WDFY4: variants seen among roughly 807,000 people sequenced by gnomAD.
WDFY4 encodes WD repeat- and FYVE domain-containing protein 4.
Under a neutral mutation model 351.9 loss-of-function variants are expected in WDFY4, and 169 were observed. The observed-to-expected ratio is 0.48, with a 90% CI of 0.42 to 0.55. WDFY4 has a LOEUF of 0.55. Among genes scored for constraint, WDFY4 ranks in the 20% least tolerant of loss-of-function variants. The pLI is 0.00. For missense variants in WDFY4, 3,803 were observed against 3,935.6 expected (o/e 0.97, Z 0.90); for synonymous variants, 1,622 against 1,574.6 (o/e 1.03, Z -0.71).
chr10:48,855,728 C>A (rs1435046803), intron 39 of WDFY4, among the ~76,000 whole-genome samples: 3 of 151,932 alleles, frequency 2.0e-5, no homozygotes, highest in African/African-American at 7.3e-5. Context: ...TACAGTAGTC[C>A]CCTCTTACTC....
intron 11 of WDFY4, among the ~76,000 whole-genome samples, chr10:48,738,300 G>A (rs1451643773): frequency 6.6e-6 from 1 of 152,240 alleles, no homozygotes; most frequent in African/African-American, 2.4e-5. Context: ...GTATTGGAGT[G>A]TCAGCCCTTG....
At chr10:48,695,246 GT>G (rs2063301459) in intron 1 of WDFY4, among the ~76,000 whole-genome samples, 1 of 152,214 alleles carries the variant, frequency 6.6e-6, no homozygotes, top group South Asian at 2.1e-4. Context: ...ACAGAGTCTT[GT>G]TTTGGGCCTC....
At chr10:48,707,836 GAAAT>G (rs2063671848) in intron 1 of WDFY4, among the ~76,000 whole-genome samples, 1 of 152,082 alleles carries the variant, frequency 6.6e-6, no homozygotes, top group African/African-American at 2.4e-5. Flanking sequence ...TGGTGATAAA[GAAAT>G]AAATGAACAC....
At chr10:48,742,291 T>C (rs10508907) in intron 11 of WDFY4, among the ~76,000 whole-genome samples, 45,335 of 152,178 alleles carry the variant, frequency 0.3, 7,370 homozygotes, top group South Asian at 0.41. Context: ...CCTATGCATT[T>C]CATTCCATTG....
chr10:48,697,301 G>T (rs1019088495), intron 1 of WDFY4, among the ~76,000 whole-genome samples: 4 of 152,204 alleles, frequency 2.6e-5, no homozygotes, highest in Non-Finnish European at 4.4e-5. Context: ...GATGTTCTAT[G>T]AGCCACCCAC....
chr10:48,836,632 G>A (rs1020313737), intron 39 of WDFY4, among the ~76,000 whole-genome samples: 16 of 152,128 alleles, frequency 1.1e-4, no homozygotes, highest in African/African-American at 3.9e-4. Context: ...TTCCTGGTGG[G>A]TGAGCTGAAC....
At chr10:48,933,665 C>T (rs531010502) in intron 47 of WDFY4, among the ~76,000 whole-genome samples, 3 of 152,222 alleles carry the variant, frequency 2.0e-5, no homozygotes, top group East Asian at 3.9e-4. Context: ...GAGATGAGTT[C>T]CATTATATGA....
At chr10:48,927,808 A>G (rs933389930) in intron 47 of WDFY4, among the ~76,000 whole-genome samples, 16 of 152,234 alleles carry the variant, frequency 1.1e-4, no homozygotes, top group Non-Finnish European at 1.6e-4. Context: ...TATTGGTTTA[A>G]TAGCATCTAT....
Position 48,806,449 on chromosome 10 carries a change from G to C in WDFY4, c.4738+354G>C, listed in dbSNP as rs569116622. 2.6e-4 allele frequency among the ~76,000 whole-genome samples: 40 copies of C among 152,278 alleles called. No individual in the cohort carries two copies. The East Asian group carries it at 7.5e-3, about 29-fold the overall frequency. On this transcript the variant is annotated intron_variant, in intron 27 of 61. Coordinates refer to ENST00000325239, the MANE Select transcript of WDFY4 (RefSeq NM_001394531.1). ...CAACTCCAGCAGTGAAGCACTTGCA[G>C]GCCCCTGCAGGTGATGGCCTGCCCT...
At chr10:48,937,822 A>G (rs1458410268) in intron 47 of WDFY4, among the ~76,000 whole-genome samples, 3 of 152,210 alleles carry the variant, frequency 2.0e-5, no homozygotes, top group Non-Finnish European at 4.4e-5. Context: ...TTTAAAAAGT[A>G]GAGTCCAGGT....
intron 31 of WDFY4, 115 bp from the exon 32 acceptor site, chr10:48,817,130 T>G: frequency 8.1e-7 from 1 of 1,227,966 alleles, no homozygotes; most frequent in Non-Finnish European, 1.1e-6. Context: ...TCTTAAATAA[T>G]GTATCTTGTT....
intron 20 of WDFY4, among the ~76,000 whole-genome samples, chr10:48,787,086 TG>T (rs2066428120): frequency 6.6e-6 from 1 of 152,100 alleles, no homozygotes; most frequent in Non-Finnish European, 1.5e-5. Flanking sequence ...AAAGCCCTAA[TG>T]GGGAAGAGGT....
At chr10:48,978,806 C>T (rs1279979895) in intron 60 of WDFY4, 1 of 160,368 alleles carries the variant, frequency 6.2e-6, no homozygotes, top group Non-Finnish European at 1.4e-5. Context: ...TTACTGGGAC[C>T]CACAATCAAA....
chr10:48,914,551 A>G (rs2377652), intron 47 of WDFY4, among the ~76,000 whole-genome samples: 62,418 of 152,036 alleles, frequency 0.41, 13,190 homozygotes, highest in East Asian at 0.74. Context: ...ACCCAGAGCC[A>G]TGTGTGTGTG....
At chr10:48,734,135 C>A (rs947795163) in intron 10 of WDFY4, 100 bp downstream of exon 10, 4 of 1,029,506 alleles carry the variant, frequency 3.9e-6, no homozygotes, top group African/African-American at 1.6e-5. Flanking sequence ...CAAGGAGTAA[C>A]CAATACACAG....
intron 39 of WDFY4, among the ~76,000 whole-genome samples, chr10:48,851,441 T>C (rs536641307): frequency 6.6e-6 from 1 of 152,244 alleles, no homozygotes; most frequent in East Asian, 1.9e-4. Context: ...AAGGATGAAA[T>C]GGTAATCACA....
intron 13 of WDFY4, among the ~76,000 whole-genome samples, chr10:48,771,327 A>G (rs943035342): frequency 6.6e-5 from 10 of 152,208 alleles, no homozygotes; most frequent in African/African-American, 2.2e-4. Context: ...GAACCCCTCA[A>G]ATGACTGCCC....
intron 7 of WDFY4, 123 bp from the exon 8 acceptor site, chr10:48,729,309 A>T: frequency 7.1e-7 from 1 of 1,399,132 alleles, no homozygotes; most frequent in Non-Finnish European, 9.6e-7. Context: ...CCTCAGGTGC[A>T]GACCTGTGGG....
chr10:48,775,780 C>T lies in WDFY4; in HGVS notation c.2837C>T (p.Thr946Ile), dbSNP rs2066012212. ...ACAAAAATCCTTGATTCATCTCACA[C>T]ACACAGAGGCAACCCTGGGTGCTCA... is the stretch of plus-strand genomic sequence containing the variant. ...ATTKILDSSH[T>I]HRGNPGCSGS... The change falls in exon 15 of 62, where the codon ACA becomes ATA. Residue 946 changes from threonine (T) to isoleucine (I), a missense_variant. Physicochemically the swap from Thr to Ile is moderately conservative, Grantham distance 89. Transcript: ENST00000325239. The T allele has an allele frequency of 1.3e-6, 2 of 1,551,634 alleles. No individual in the cohort carries two copies. Among genetic ancestry groups the T allele is most frequent in the South Asian group, 1.2e-5 (1 of 84,072 alleles).
Sources: gnomAD v4.1 joint callset for allele counts (sites outside exome capture counted in the v4.1 genomes callset) on GRCh38, gnomAD v4.1.1 for gene constraint, MANE v1.5 for transcripts, NCBI Gene and HGNC (gene_info 2026-07-23, HGNC 2026-07-21) for gene names.